Variants in ACSL3 observed in about 807,000 individuals in gnomAD.
ACSL3 encodes the protein fatty acid CoA ligase Acsl3.
In ACSL3, 34 loss-of-function variants were observed where a neutral mutation model predicts 84.7. That is an observed-to-expected ratio of 0.40 (90% CI 0.31 to 0.53). The LOEUF (loss-of-function observed/expected upper bound fraction) is 0.53. Among genes scored for constraint, ACSL3 ranks in the 20% least tolerant of loss-of-function variants. The pLI, the probability that ACSL3 is intolerant of heterozygous loss-of-function variation, is 0.48. For missense variants in ACSL3, 680 were observed against 873.1 expected, an observed-to-expected ratio of 0.78 and a Z score of 2.79; for synonymous variants, 315 against 299.4, an observed-to-expected ratio of 1.05 and a Z score of -0.54.
At chr2:222,928,552 C>CG (rs1696941660) in intron 12 of ACSL3, among the ~76,000 whole-genome samples, 1 of 151,940 alleles carries the variant, frequency 6.6e-6, no homozygotes, top group East Asian at 1.9e-4. Context: ...TAACAGAGGC[C>CG]GTCAGTTCTG....
intron 7 of ACSL3, chr2:222,920,827 G>T: frequency 2.7e-6 from 1 of 373,104 alleles, no homozygotes. Context: ...CTCTGTTCCA[G>T]CCACACTCCT....
intron 3 of ACSL3, among the ~76,000 whole-genome samples, chr2:222,901,964 A>AAAAAAAAATG (rs57522671): frequency 0.015 from 1,473 of 99,392 alleles, 349 homozygotes; most frequent in African/African-American, 0.05. Context: ...AAAAAAAAAA[A>AAAAAAAAATG]GAACTCAAAT....
chr2:222,890,032 A>G (rs148304553), intron 2 of ACSL3, among the ~76,000 whole-genome samples: 35 of 152,374 alleles, frequency 2.3e-4, no homozygotes, highest in African/African-American at 8.2e-4. Context: ...ACACAAGACT[A>G]TTGACTAAAG....
At chr2:222,900,938 G>A (rs1046292235) in intron 3 of ACSL3, among the ~76,000 whole-genome samples, 158 bp downstream of exon 3, 6 of 152,100 alleles carry the variant, frequency 3.9e-5, no homozygotes, top group African/African-American at 1.4e-4. Context: ...GTTCAACTTC[G>A]TCTCCTCCCA....
chr2:222,909,460 A>G (rs916828090), intron 4 of ACSL3, among the ~76,000 whole-genome samples: 5 of 152,180 alleles, frequency 3.3e-5, no homozygotes, highest in East Asian at 1.9e-4. Flanking sequence ...GGTGCTGGAA[A>G]TGGCTCCAGG....
chr2:222,927,190 GT>G lies in ACSL3; in HGVS notation c.1465+2del. On this transcript the variant is annotated splice_donor_variant, in intron 12 of 16. Coordinates refer to ENST00000357430, the MANE Select transcript of ACSL3 (RefSeq NM_004457.5). LOFTEE classifies it high-confidence loss of function. ...GCTGGGGCTGGAACAATTTCCGAAG[GT>G]AGTGTTCTCCATGGTCAGAGGCTGG... 3 of 1,612,592 alleles carry G rather than the reference GT, an allele frequency of 1.9e-6. No homozygotes were observed. The highest frequency in any genetic ancestry group is 2.5e-6 in the Non-Finnish European group (3 of 1,178,710).
chr2:222,924,267 A>T (rs987688001), intron 10 of ACSL3, among the ~76,000 whole-genome samples, 189 bp from the exon 11 acceptor site: 3 of 152,168 alleles, frequency 2.0e-5, no homozygotes, highest in African/African-American at 4.8e-5. Flanking sequence ...TAAAAGTTTG[A>T]TCTTGATAGG....
rs12694585 is a variant in ACSL3, at chr2:222,901,964, A to G, written c.-41+1184A>G. On this transcript the variant is annotated intron_variant, in intron 3 of 16. Transcript: ENST00000357430. Reference sequence around the variant, plus strand: ...GTCTCAAAAAAAAAAAAAAAAAAAAAGAACTCAAATATTGTTGAGGTAGCA... The same window carrying G: ...GTCTCAAAAAAAAAAAAAAAAAAAAGGAACTCAAATATTGTTGAGGTAGCA... 6.1e-3 allele frequency among the ~76,000 whole-genome samples: 605 copies of G among 99,450 alleles called. 55 individuals carry two copies. Among genetic ancestry groups the G allele is most frequent in the African/African-American group, 0.022 (531 of 24,628 alleles). 65.2% of individuals were successfully genotyped at this position (99,450 alleles called of 152,430 possible). A position where few individuals can be genotyped will look rare whatever the true frequency, so the allele number is the denominator to read the frequency against.
Position 222,919,124 on chromosome 2 carries a change from A to G in ACSL3, c.727A>G (p.Thr243Ala). The G allele has an allele frequency of 6.2e-7, 1 of 1,614,138 alleles. No individual in the cohort carries two copies. Among genetic ancestry groups the G allele is most frequent in the South Asian group, 1.1e-5 (1 of 91,082 alleles). The part of the protein sequence containing the change: ...HIITVDGKPP[T>A]WSEFPKGIIV... ...CATCACTGTTGATGGAAAGCCACCG[A>G]CCTGGTCCGAGTTCCCCAAGGGCAT... The change falls in exon 7 of 17, where the codon ACC becomes GCC. Residue 243 changes from threonine to alanine, a missense_variant. Thr to Ala is a moderately conservative substitution (Grantham distance 58, BLOSUM62 0). Transcript: ENST00000357430.
At chr2:222,904,879 CT>C (rs1696252606) in intron 3 of ACSL3, 1 of 153,996 alleles carries the variant, frequency 6.5e-6, no homozygotes, top group South Asian at 2.0e-4. Flanking sequence ...GTCCCACAGC[CT>C]TTAGTAGGAT....
rs1399501401 is a variant in ACSL3, at chr2:222,932,781, A to G, written c.1733-385A>G. ...CCCGTCTCTACTAAAAATACAAAAA[A>G]TTAGCCGGGCGCGGTGGCGGGCGCC... On this transcript the variant is annotated intron_variant, in intron 14 of 16. Transcript: ENST00000357430. Among the ~76,000 whole-genome samples, 2 of 33,074 alleles carry G rather than the reference A, an allele frequency of 6.0e-5. 1 individual carries two copies. The highest frequency in any genetic ancestry group is 9.4e-5 in the Non-Finnish European group (2 of 21,294). The allele number at this position is 33,074 out of a possible 152,430, so 21.7% of individuals were successfully genotyped here. A position where few individuals can be genotyped will look rare whatever the true frequency, so the allele number is the denominator to read the frequency against.
At chr2:222,907,197 G>T (rs1344424084) in intron 3 of ACSL3, among the ~76,000 whole-genome samples, 1 of 152,202 alleles carries the variant, frequency 6.6e-6, no homozygotes, top group African/African-American at 2.4e-5. Context: ...CTTTACAAGA[G>T]GTGAGGCAAA....
Position 222,934,678 on chromosome 2 carries a change from G to A in ACSL3, c.1996G>A (p.Ala666Thr). The change falls in exon 16 of 17, where the codon GCT (alanine) becomes ACT (threonine). Residue 666 changes from alanine to threonine, a missense_variant. Around this residue, in one of 2 missense-constraint regions of ACSL3, gnomAD observed 347 missense variants for 525.7 expected, o/e 0.66. Transcript: ENST00000357430. ...NEVLKVLSEA[A>T]ISASLEKFEI... The stretch of plus-strand genomic sequence containing the variant: ...GGTACTTAAAGTGCTTTCCGAAGCT[G>A]CTATTTCAGGTGAGTATTCGGTTAA... 6.2e-7 allele frequency: 1 copy of A among 1,607,460 alleles called. No individual in the cohort carries two copies. The highest frequency in any genetic ancestry group is 8.5e-7 in the Non-Finnish European group (1 of 1,177,878).
chr2:222,934,462 G>A, intron 15 of ACSL3, 68 bp from the exon 16 acceptor site: 1 of 1,289,752 alleles, frequency 7.8e-7, no homozygotes, highest in Middle Eastern at 2.1e-4. Context: ...ACTTGTCACT[G>A]TAATAATAAC....
chr2:222,941,762 T>A lies in ACSL3; in HGVS notation c.*108T>A. ...GCAAACTCCATTCCTCATATTAAAC[T>A]ATTACTTCTCATGACGTCACCATTT... On this transcript the variant is annotated 3_prime_UTR_variant, in exon 17 of 17. Coordinates refer to ENST00000357430, the MANE Select transcript of ACSL3 (RefSeq NM_004457.5). 1 of 1,231,154 alleles carries A rather than the reference T, an allele frequency of 8.1e-7. No homozygotes were observed. Among genetic ancestry groups the A allele is most frequent in the Non-Finnish European group, 1.1e-6 (1 of 906,972 alleles). 76.3% of individuals were successfully genotyped at this position (1,231,154 alleles called of 1,614,324 possible).
At chr2:222,908,073 G>T (rs956625115) in intron 3 of ACSL3, among the ~76,000 whole-genome samples, 20 of 152,302 alleles carry the variant, frequency 1.3e-4, no homozygotes, top group African/African-American at 4.6e-4. Flanking sequence ...AACTTAGGCC[G>T]TTTTGTTTAC....
At chr2:222,909,286 A>G (rs999564249) in intron 4 of ACSL3, 136 bp downstream of exon 4, 64 of 841,876 alleles carry the variant, frequency 7.6e-5, no homozygotes, top group Non-Finnish European at 1.1e-4. Context: ...GGGCTAGACT[A>G]CCTTCTAATT....
intron 9 of ACSL3, 90 bp from the exon 10 acceptor site, chr2:222,922,985 AAAT>A: frequency 1.5e-6 from 2 of 1,350,340 alleles, no homozygotes; most frequent in East Asian, 2.5e-5. Flanking sequence ...AAGTACATTA[AAAT>A]AATTTATAAT....
At chr2:222,863,502 A>G (rs1195536260) in intron 1 of ACSL3, among the ~76,000 whole-genome samples, 2 of 152,232 alleles carry the variant, frequency 1.3e-5, no homozygotes, top group African/African-American at 4.8e-5. Context: ...CCTTCAGGGT[A>G]CTTAAAGCTT....
Sources: gnomAD v4.1 joint callset for allele counts (sites outside exome capture counted in the v4.1 genomes callset) on GRCh38, gnomAD v4.1.1 for gene constraint, gnomAD v4.1.1 regional missense constraint, MANE v1.5 for transcripts, NCBI Gene and HGNC (gene_info 2026-07-23, HGNC 2026-07-21) for gene names.